TANC1: variants seen among roughly 807,000 people sequenced by gnomAD.
The protein encoded by TANC1 is protein TANC1.
Under a neutral mutation model 149.7 loss-of-function variants are expected in TANC1, and 77 were observed. The ratio of observed to expected loss-of-function variants is 0.51; its 90% CI spans 0.43 to 0.62. The LOEUF (loss-of-function observed/expected upper bound fraction) is 0.62, where lower values mean the gene tolerates loss of function less well. Ranked by LOEUF, TANC1 falls within the 20% of genes least tolerant of loss-of-function variation. The pLI is 0.00. For synonymous variants in TANC1, 854 were observed against 925.0 expected (o/e 0.92, Z 1.39); for missense variants, 1,985 against 2,321.8 (o/e 0.85, Z 2.98).
At chr2:159,020,308 T>A (rs1435887848) in intron 2 of TANC1, among the ~76,000 whole-genome samples, 1 of 152,082 alleles carries the variant, frequency 6.6e-6, no homozygotes, top group Non-Finnish European at 1.5e-5. Flanking sequence ...GAGACAGGGT[T>A]TCGCCTTGTT....
At chr2:159,190,552 TTTA>T (rs2057365082) in intron 16 of TANC1, among the ~76,000 whole-genome samples, 1 of 152,126 alleles carries the variant, frequency 6.6e-6, no homozygotes, top group African/African-American at 2.4e-5. Context: ...TTTATTTTTA[TTTA>T]TTATTATTAT....
At chr2:159,014,059 G>A (rs2038030505) in intron 2 of TANC1, among the ~76,000 whole-genome samples, 1 of 152,132 alleles carries the variant, frequency 6.6e-6, no homozygotes, top group Non-Finnish European at 1.5e-5. Flanking sequence ...ATTTTAACTT[G>A]ATTACCTCTG....
At chr2:159,150,336 G>A in intron 6 of TANC1, 34 bp from the exon 7 acceptor site, 2 of 1,586,730 alleles carry the variant, frequency 1.3e-6, no homozygotes, top group Non-Finnish European at 1.7e-6. Context: ...TCCTGTGTAA[G>A]CCGTGCTAAC....
chr2:159,193,830 A>AT, intron 16 of TANC1, among the ~76,000 whole-genome samples: 1 of 152,144 alleles, frequency 6.6e-6, no homozygotes, highest in East Asian at 1.9e-4. Context: ...CTCTACTGAC[A>AT]TTTTTAATTA....
intron 5 of TANC1, among the ~76,000 whole-genome samples, chr2:159,143,192 C>A (rs2051618435): frequency 6.6e-6 from 1 of 151,860 alleles, no homozygotes; most frequent in South Asian, 2.1e-4. Flanking sequence ...TTACACCTGT[C>A]ACATTGAGCT....
chr2:159,167,351 G>C (rs1014935258), intron 8 of TANC1, among the ~76,000 whole-genome samples: 1 of 152,208 alleles, frequency 6.6e-6, no homozygotes, highest in Non-Finnish European at 1.5e-5. Flanking sequence ...GTTCCAAGCT[G>C]TGTTACTGTA....
intron 22 of TANC1, among the ~76,000 whole-genome samples, chr2:159,220,276 CT>C (rs201091730): frequency 5.7e-4 from 82 of 143,364 alleles, no homozygotes; most frequent in Non-Finnish European, 6.3e-4. Flanking sequence ...TACCTGGTTG[CT>C]TTTTTTTTTT....
At position 159,231,072 on chromosome 2, in the gene TANC1, T is replaced by C. The variant is rs951782010; in HGVS notation, c.*60T>C. ...CGTGTGTTGACTCCTGGTGGTAAAT[T>C]AAATAGTTTTTTTCATCAGAAAAAT... On this transcript the variant is annotated 3_prime_UTR_variant, in exon 27 of 27. Coordinates refer to ENST00000263635, the MANE Select transcript of TANC1 (RefSeq NM_033394.3). 4 of 1,343,634 alleles carry C rather than the reference T, an allele frequency of 3.0e-6. No individual in the cohort carries two copies. The Admixed American group carries it at 7.4e-5, about 25-fold the overall frequency. 83.2% of individuals were successfully genotyped at this position (1,343,634 alleles called of 1,614,324 possible). A position where few individuals can be genotyped will look rare whatever the true frequency, so the allele number is the denominator to read the frequency against.
At position 159,103,254 on chromosome 2, in the gene TANC1, G is replaced by A. The variant is rs1369748022; in HGVS notation, c.259+5420G>A. On this transcript the variant is annotated intron_variant, in intron 4 of 26. Transcript: ENST00000263635. ...ACATCTCTGATATCTCCTTGGGGTA[G>A]CAGGTTCCCAGCAGTGGAATTATTG... is the stretch of plus-strand genomic sequence containing the variant. Among the ~76,000 whole-genome samples, 2 of 95,444 alleles carry A rather than the reference G, an allele frequency of 2.1e-5. 1 individual carries two copies. The highest frequency in any genetic ancestry group is 5.8e-5 in the Non-Finnish European group (2 of 34,288). 62.6% of individuals were successfully genotyped at this position (95,444 alleles called of 152,430 possible).
chr2:159,043,846 A>G (rs1267074886), intron 2 of TANC1, among the ~76,000 whole-genome samples: 1 of 152,190 alleles, frequency 6.6e-6, no homozygotes, highest in Non-Finnish European at 1.5e-5. Flanking sequence ...AAGTTTAATG[A>G]CAAGGCTCCT....
chr2:159,164,128 C>A (rs994808952), intron 8 of TANC1, among the ~76,000 whole-genome samples: 1 of 151,752 alleles, frequency 6.6e-6, no homozygotes, highest in Non-Finnish European at 1.5e-5. Flanking sequence ...AAGAAGAAAC[C>A]ACAAAGGCTG....
intron 3 of TANC1, among the ~76,000 whole-genome samples, chr2:159,077,653 G>A (rs1246416638): frequency 6.6e-6 from 1 of 152,100 alleles, no homozygotes; most frequent in East Asian, 1.9e-4. Flanking sequence ...GGCACATATC[G>A]ATATATAGCC....
chr2:159,063,812 C>T (rs2042439872), intron 2 of TANC1, among the ~76,000 whole-genome samples: 1 of 152,016 alleles, frequency 6.6e-6, no homozygotes, highest in Non-Finnish European at 1.5e-5. Flanking sequence ...GATGAGATAC[C>T]AGAGTCAGTG....
chr2:159,088,033 C>T (rs1207712623), intron 3 of TANC1, among the ~76,000 whole-genome samples: 1 of 151,646 alleles, frequency 6.6e-6, no homozygotes, highest in Non-Finnish European at 1.5e-5. Flanking sequence ...TCCCCGAGAG[C>T]CTTCAGAGAG....
At chr2:159,139,092 G>A (rs980003831) in intron 5 of TANC1, among the ~76,000 whole-genome samples, 7 of 152,110 alleles carry the variant, frequency 4.6e-5, no homozygotes, top group African/African-American at 1.7e-4. Flanking sequence ...TGCAAGCTGG[G>A]GACTGTAGCT....
chr2:159,036,586 G>A (rs1425853310), intron 2 of TANC1, among the ~76,000 whole-genome samples: 3 of 151,788 alleles, frequency 2.0e-5, no homozygotes, highest in African/African-American at 4.8e-5. Flanking sequence ...TTCAATTCCC[G>A]CCTATGAGTG....
At chr2:158,979,406 G>C (rs1275286670) in intron 1 of TANC1, among the ~76,000 whole-genome samples, 1 of 151,590 alleles carries the variant, frequency 6.6e-6, no homozygotes, top group Non-Finnish European at 1.5e-5. Context: ...AGGTGGGAGG[G>C]TCGCTTGAGC....
At chr2:159,219,985 T>A in intron 22 of TANC1, 118 bp downstream of exon 22, 6 of 531,836 alleles carry the variant, frequency 1.1e-5, no homozygotes, top group East Asian at 1.1e-4. Context: ...AGAGTGTGTG[T>A]GTGTGTGTGT....
chr2:159,134,533 A>G (rs917057437), intron 4 of TANC1, among the ~76,000 whole-genome samples: 3 of 152,114 alleles, frequency 2.0e-5, no homozygotes, highest in Non-Finnish European at 4.4e-5. Context: ...CCCAGGCTAG[A>G]GTGCAGTGGC....
Sources: gnomAD v4.1 joint callset for allele counts (sites outside exome capture counted in the v4.1 genomes callset) on GRCh38, gnomAD v4.1.1 for gene constraint, MANE v1.5 for transcripts, NCBI Gene and HGNC (gene_info 2026-07-23, HGNC 2026-07-21) for gene names.